The following FGGY variants were observed in gnomAD, a reference collection of about 807,000 sequenced individuals.
FGGY encodes FGGY carbohydrate kinase domain-containing protein.
Under a neutral mutation model 71.3 loss-of-function variants are expected in FGGY, and 72 were observed. The ratio of observed to expected loss-of-function variants is 1.01; its 90% confidence interval spans 0.84 to 1.23. The LOEUF (loss-of-function observed/expected upper bound fraction) is 1.23, where lower values mean the gene tolerates loss of function less well. Ranked by LOEUF, FGGY falls within the 50% of genes most tolerant of loss-of-function variation. The probability of loss-of-function intolerance (pLI) is 0.00; values close to 1 mark genes in which losing one functional copy is unlikely to be tolerated. For synonymous variants in FGGY, 251 were observed against 250.3 expected (o/e 1.00, Z -0.02); for missense variants, 668 against 682.3 (o/e 0.98, Z 0.23).
intron 14 of FGGY, among the ~76,000 whole-genome samples, chr1:59,753,037 A>G (rs893600923): frequency 6.6e-6 from 1 of 152,204 alleles, no homozygotes; most frequent in Non-Finnish European, 1.5e-5. Flanking sequence ...AGGAAAAAGA[A>G]AAGTCACTGT....
At position 59,574,367 on chromosome 1, in the gene FGGY, T is replaced by C. The variant is rs2096042698; in HGVS notation, c.903+20140T>C. ...CTGTCTCTTACAAGAACAGTTATGA[T>C]TGCATTTAGGCCAACTCAAATAATC... On this transcript the variant is annotated intron_variant, in intron 8 of 15. Coordinates refer to ENST00000303721, the MANE Select transcript of FGGY (RefSeq NM_018291.5). 2.6e-5 allele frequency among the ~76,000 whole-genome samples: 4 copies of C among 152,312 alleles called. No individual in the cohort carries two copies. In the South Asian group the frequency reaches 8.3e-4, roughly 32 times the overall value.
intron 2 of FGGY, among the ~76,000 whole-genome samples, chr1:59,328,395 G>A (rs1196743776): frequency 6.6e-6 from 1 of 152,130 alleles, no homozygotes; most frequent in Non-Finnish European, 1.5e-5. Context: ...TTTTCATTCT[G>A]TAGCTTCCTC....
chr1:59,519,503 G>A (rs2094762804), intron 7 of FGGY, among the ~76,000 whole-genome samples: 1 of 152,214 alleles, frequency 6.6e-6, no homozygotes, highest in Non-Finnish European at 1.5e-5. Context: ...AGGGAGTGAT[G>A]TCCAGTAATC....
chr1:59,457,121 A>T (rs1572379878), intron 6 of FGGY, 45 bp downstream of exon 6: 1 of 1,343,720 alleles, frequency 7.4e-7, no homozygotes, highest in Non-Finnish European at 1.1e-6. Context: ...GCATTGGAGG[A>T]TCTTGATGGG....
chr1:59,300,687 GT>G (rs35505946), intron 1 of FGGY, among the ~76,000 whole-genome samples: 10 of 149,806 alleles, frequency 6.7e-5, no homozygotes, highest in Non-Finnish European at 8.9e-5. Flanking sequence ...ATGGAATCAA[GT>G]TTTTTTTTTG....
intron 7 of FGGY, among the ~76,000 whole-genome samples, chr1:59,517,986 C>T (rs1283522971): frequency 6.6e-6 from 1 of 152,160 alleles, no homozygotes; most frequent in African/African-American, 2.4e-5. Flanking sequence ...CATCACATTA[C>T]CAAGTTTCGG....
intron 6 of FGGY, among the ~76,000 whole-genome samples, chr1:59,504,229 G>GCATCTGTT (rs748068941): frequency 8.3e-4 from 127 of 152,262 alleles, no homozygotes; most frequent in Admixed American, 1.4e-3. Context: ...CTTGCCATGT[G>GCATCTGTT]CATCTGTTCA....
At chr1:59,712,137 A>G (rs1474325397) in intron 14 of FGGY, among the ~76,000 whole-genome samples, 1 of 152,204 alleles carries the variant, frequency 6.6e-6, no homozygotes, top group Non-Finnish European at 1.5e-5. Context: ...GCCAAAACAA[A>G]GGGTCTACAG....
chr1:59,738,617 C>A (rs532746213), intron 14 of FGGY, among the ~76,000 whole-genome samples: 9 of 152,212 alleles, frequency 5.9e-5, no homozygotes, highest in Non-Finnish European at 1.2e-4. Context: ...GAATGGAATC[C>A]CATGTCAGAA....
chr1:59,756,538 T>A (rs77310862), intron 14 of FGGY, among the ~76,000 whole-genome samples: 1 of 152,224 alleles, frequency 6.6e-6, no homozygotes, highest in Admixed American at 6.5e-5. Context: ...TCTTTTCCAC[T>A]CTATAGTGAG....
chr1:59,743,455 G>A (rs941370023), intron 14 of FGGY, among the ~76,000 whole-genome samples: 9 of 152,166 alleles, frequency 5.9e-5, no homozygotes, highest in Non-Finnish European at 8.8e-5. Context: ...TAAGTATTTG[G>A]TTGCACAATA....
At chr1:59,547,235 G>T (rs943825742) in intron 7 of FGGY, among the ~76,000 whole-genome samples, 3 of 152,112 alleles carry the variant, frequency 2.0e-5, no homozygotes, top group Non-Finnish European at 4.4e-5. Context: ...ACGGGCATAA[G>T]CCACCATGCC....
intron 5 of FGGY, among the ~76,000 whole-genome samples, chr1:59,447,516 G>A (rs1250280342): frequency 6.6e-6 from 1 of 152,124 alleles, no homozygotes; most frequent in Non-Finnish European, 1.5e-5. Flanking sequence ...GGATGCTATG[G>A]TTTGGCTGTG....
chr1:59,469,509 TA>T (rs2092828028), intron 6 of FGGY, among the ~76,000 whole-genome samples: 1 of 152,254 alleles, frequency 6.6e-6, no homozygotes, highest in Non-Finnish European at 1.5e-5. Flanking sequence ...AATCACATCT[TA>T]AAAGTCTCAC....
chr1:59,476,075 C>T (rs2093252322), intron 6 of FGGY, among the ~76,000 whole-genome samples: 1 of 152,192 alleles, frequency 6.6e-6, no homozygotes, highest in African/African-American at 2.4e-5. Context: ...GTGTATATAG[C>T]TTTTGCGTTA....
At chr1:59,698,137 T>C (rs1398616363) in intron 14 of FGGY, among the ~76,000 whole-genome samples, 2 of 152,164 alleles carry the variant, frequency 1.3e-5, no homozygotes, top group Non-Finnish European at 2.9e-5. Flanking sequence ...AGAAATGTAA[T>C]GTGATATATG....
intron 14 of FGGY, among the ~76,000 whole-genome samples, chr1:59,736,069 T>C (rs2101079561): frequency 6.6e-6 from 1 of 152,312 alleles, no homozygotes; most frequent in South Asian, 2.1e-4. Context: ...TCACAAGATC[T>C]GACAGTATTA....
At chr1:59,589,971 A>C (rs556488637) in intron 8 of FGGY, among the ~76,000 whole-genome samples, 2 of 152,178 alleles carry the variant, frequency 1.3e-5, no homozygotes, top group African/African-American at 4.8e-5. Flanking sequence ...GACATAAAAA[A>C]CCCTTCAAAA....
intron 4 of FGGY, among the ~76,000 whole-genome samples, chr1:59,362,214 C>A (rs2055695899): frequency 6.6e-6 from 1 of 151,292 alleles, no homozygotes; most frequent in Non-Finnish European, 1.5e-5. Flanking sequence ...TTTAATTTTT[C>A]TTGTTTCATT....
Sources: gnomAD v4.1 joint callset for allele counts (sites outside exome capture counted in the v4.1 genomes callset) on GRCh38, gnomAD v4.1.1 for gene constraint, MANE v1.5 for transcripts, NCBI Gene and HGNC (gene_info 2026-07-23, HGNC 2026-07-21) for gene names.